The following KCNIP4 variants were observed in gnomAD, a reference collection of about 807,000 sequenced individuals.
KCNIP4 encodes the protein Kv channel-interacting protein 4.
A neutral mutation model predicts 34.0 loss-of-function variants in KCNIP4; 12 were observed. The ratio of observed to expected loss-of-function variants is 0.35; its 90% CI spans 0.23 to 0.57. The LOEUF (loss-of-function observed/expected upper bound fraction) is 0.57. Among genes scored for constraint, KCNIP4 ranks in the 20% least tolerant of loss-of-function variants. The pLI is 0.83. For missense variants in KCNIP4, 238 were observed against 311.7 expected (o/e 0.76, Z 1.78); for synonymous variants, 124 against 102.2 (o/e 1.21, Z -1.29).
intron 4 of KCNIP4, among the ~76,000 whole-genome samples, chr4:20,756,425 T>G (rs1180843507): frequency 1.3e-5 from 2 of 152,136 alleles, no homozygotes; most frequent in Non-Finnish European, 2.9e-5. Context: ...CTAAAGCTAT[T>G]AACATCTCCT....
At chr4:21,858,432 A>G (rs1350186894) in intron 1 of KCNIP4, among the ~76,000 whole-genome samples, 2 of 152,242 alleles carry the variant, frequency 1.3e-5, no homozygotes, top group Non-Finnish European at 2.9e-5. Context: ...TACTAGCACA[A>G]GATAAAATGA....
At chr4:20,867,848 G>A (rs1288955871) in intron 2 of KCNIP4, among the ~76,000 whole-genome samples, 2 of 152,028 alleles carry the variant, frequency 1.3e-5, no homozygotes, top group Non-Finnish European at 2.9e-5. Flanking sequence ...CATGGACATA[G>A]GAACAAGAAC....
rs570290732 is a variant in KCNIP4, at chr4:21,545,125, C to T, written c.61+403446G>A. Among the ~76,000 whole-genome samples, 9 of 152,198 alleles carry T rather than the reference C, an allele frequency of 5.9e-5. No individual in the cohort carries two copies. The South Asian group carries it at 6.2e-4, about 11-fold the overall frequency. On this transcript the variant is annotated intron_variant, in intron 1 of 8. Transcript: ENST00000382152. ...CTGGTCGTCCTCACTGCTCATTATA[C>T]GCTAATTATAATGGATTAGCATGTT...
intron 1 of KCNIP4, among the ~76,000 whole-genome samples, chr4:21,648,158 C>A (rs1436241798): frequency 6.6e-6 from 1 of 151,946 alleles, no homozygotes; most frequent in Non-Finnish European, 1.5e-5. Flanking sequence ...CAGGTGTGAG[C>A]CACCGCGCCT....
At position 20,791,370 on chromosome 4, in the gene KCNIP4, G is replaced by A. The variant is rs541663100; in HGVS notation, c.289-32480C>T. 1.7e-3 allele frequency among the ~76,000 whole-genome samples: 254 copies of A among 152,216 alleles called. 1 individual carries two copies. Among genetic ancestry groups the A allele is most frequent in the African/African-American group, 5.9e-3 (247 of 41,554 alleles). ...ACACAAAGAATGAAGAGCAATGAAAGTAGTAATCACATGAGTAAATAAAAT... is the reference window on the plus strand; with the variant it reads ...ACACAAAGAATGAAGAGCAATGAAAATAGTAATCACATGAGTAAATAAAAT... On this transcript the variant is annotated intron_variant, in intron 3 of 8. Transcript: ENST00000382152.
At chr4:21,223,211 CAG>C (rs1758108084) in intron 1 of KCNIP4, among the ~76,000 whole-genome samples, 1 of 151,950 alleles carries the variant, frequency 6.6e-6, no homozygotes. Context: ...ATCCTGGAAG[CAG>C]AGAGAGAGCA....
intron 1 of KCNIP4, among the ~76,000 whole-genome samples, chr4:21,263,007 C>T (rs1050040327): frequency 6.6e-6 from 1 of 152,156 alleles, no homozygotes; most frequent in Non-Finnish European, 1.5e-5. Flanking sequence ...CCTTCCTGGT[C>T]CCCCTGTTCA....
chr4:21,221,352 G>C (rs1429338125), intron 1 of KCNIP4, among the ~76,000 whole-genome samples: 1 of 152,132 alleles, frequency 6.6e-6, no homozygotes, highest in African/African-American at 2.4e-5. Flanking sequence ...GCCTGAGATG[G>C]GGTAATTTAT....
chr4:20,855,473 G>A (rs1721474465), intron 2 of KCNIP4, among the ~76,000 whole-genome samples: 1 of 152,102 alleles, frequency 6.6e-6, no homozygotes, highest in African/African-American at 2.4e-5. Flanking sequence ...GGGTCAGTTG[G>A]AAATGTAGTC....
chr4:20,918,577 G>A (rs1031130155), intron 1 of KCNIP4, among the ~76,000 whole-genome samples: 1 of 152,064 alleles, frequency 6.6e-6, no homozygotes, highest in African/African-American at 2.4e-5. Flanking sequence ...ACATAATTAA[G>A]AAATTCCTAC....
chr4:21,549,056 G>C (rs1275484162), intron 1 of KCNIP4, among the ~76,000 whole-genome samples: 1 of 151,670 alleles, frequency 6.6e-6, no homozygotes, highest in Non-Finnish European at 1.5e-5. Context: ...CAAAAATGGA[G>C]ACCAGGCCAA....
In KCNIP4 at chr4:21,255,086, C is replaced by A. The variant is rs1015637639; in HGVS notation, c.62-372377G>T. On this transcript the variant is annotated intron_variant, in intron 1 of 8. Coordinates refer to ENST00000382152, the MANE Select transcript of KCNIP4 (RefSeq NM_025221.6). ...AGTCAGTCTTGAATGAGCTCCTCTA[C>A]CCCCACCCTGGCTGTTGCATTTAAT... Among the ~76,000 whole-genome samples the A allele has an allele frequency of 1.1e-4, 16 of 152,082 alleles. No homozygotes were observed. The South Asian group carries it at 1.9e-3, about 18-fold the overall frequency.
chr4:21,028,527 G>A (rs1740740791), intron 1 of KCNIP4, among the ~76,000 whole-genome samples: 1 of 152,192 alleles, frequency 6.6e-6, no homozygotes, highest in Non-Finnish European at 1.5e-5. Flanking sequence ...TAGTAAAGGA[G>A]TGAAAAGTAA....
chr4:21,135,919 A>C (rs1043307153), intron 1 of KCNIP4, among the ~76,000 whole-genome samples: 2 of 152,170 alleles, frequency 1.3e-5, no homozygotes, highest in Admixed American at 6.5e-5. Flanking sequence ...TTCCCTATGA[A>C]ATGCTTAACA....
chr4:21,247,778 T>TTA (rs1760366767), intron 1 of KCNIP4, among the ~76,000 whole-genome samples: 1 of 79,234 alleles, frequency 1.3e-5, no homozygotes, highest in Non-Finnish European at 2.3e-5. Flanking sequence ...CAGGTGTTTT[T>TTA]TATATATATA....
At chr4:20,775,536 TAAA>T (rs4054941) in intron 3 of KCNIP4, among the ~76,000 whole-genome samples, 5,371 of 126,808 alleles carry the variant, frequency 0.042, 255 homozygotes, top group African/African-American at 0.11. Context: ...CTCAGTTTCT[TAAA>T]AAAAAAAAAA....
In KCNIP4 at chr4:20,797,767, G is replaced by C. The variant is rs140970353; in HGVS notation, c.289-38877C>G. Among the ~76,000 whole-genome samples the C allele has an allele frequency of 4.6e-5, 7 of 152,286 alleles. No individual in the cohort carries two copies. The East Asian group carries it at 1.4e-3, about 29-fold the overall frequency. On this transcript the variant is annotated intron_variant, in intron 3 of 8. Coordinates refer to ENST00000382152, the MANE Select transcript of KCNIP4 (RefSeq NM_025221.6). ...CAGTCCCTGGCTGTGGGTCGGCAGG[G>C]AATTAGGAAACTCAGTAATATAGCC...
chr4:21,283,319 A>G (rs555939075), intron 1 of KCNIP4, among the ~76,000 whole-genome samples: 1 of 152,212 alleles, frequency 6.6e-6, no homozygotes, highest in East Asian at 1.9e-4. Flanking sequence ...ATCTTTTGAA[A>G]TATACATTTT....
At chr4:20,880,896 A>G (rs1377759693) in intron 2 of KCNIP4, among the ~76,000 whole-genome samples, 2 of 152,146 alleles carry the variant, frequency 1.3e-5, no homozygotes, top group African/African-American at 4.8e-5. Context: ...GATGGTGTGC[A>G]TGTGTGTGCA....
Sources: allele counts gnomAD v4.1 joint callset (sites outside exome capture counted in the v4.1 genomes callset), GRCh38; gene constraint gnomAD v4.1.1; transcripts MANE v1.5; gene names NCBI Gene and HGNC (gene_info 2026-07-23, HGNC 2026-07-21).